The following STAP1 variants were observed in gnomAD, a reference collection of about 807,000 sequenced individuals.
STAP1 encodes signal transducing adaptor family member 1, also known as signal-transducing adaptor protein 1.
In STAP1, 30 loss-of-function variants were observed where a neutral mutation model predicts 37.8. That is an observed-to-expected ratio of 0.79 (90% CI 0.59 to 1.08). STAP1 has a LOEUF of 1.08. Ranked by LOEUF, STAP1 falls within the 50% of genes least tolerant of loss-of-function variation. STAP1 has a pLI of 0.00. For synonymous variants in STAP1, 130 were observed against 116.0 expected (o/e 1.12, Z -0.78); for missense variants, 357 against 349.4 (o/e 1.02, Z -0.17).
Position 67,577,400 on chromosome 4 carries a change from G to A in STAP1, c.363+141G>A, listed in dbSNP as rs141074504. Reference sequence around the variant, plus strand: ...GACCTAAACTCTTGCACTTACTTATGAACATTATATTTTCATCAGGTGGTG... The same window carrying A: ...GACCTAAACTCTTGCACTTACTTATAAACATTATATTTTCATCAGGTGGTG... On this transcript the variant is annotated intron_variant, in intron 4 of 8. Transcript: ENST00000265404. 1,734 of 574,410 alleles carry A rather than the reference G, an allele frequency of 3.0e-3. 6 individuals are homozygous for A. The highest frequency in any genetic ancestry group is 4.2e-3 in the Non-Finnish European group (1,465 of 347,814). The allele number at this position is 574,410 out of a possible 1,614,324, so 35.6% of individuals were successfully genotyped here.
At chr4:67,588,700 C>A (rs1049368278) in intron 6 of STAP1, among the ~76,000 whole-genome samples, 1 of 152,162 alleles carries the variant, frequency 6.6e-6, no homozygotes, top group Admixed American at 6.5e-5. Context: ...TGAACCACTG[C>A]GCCCGGCCAA....
intron 8 of STAP1, among the ~76,000 whole-genome samples, chr4:67,599,538 G>A (rs189008484): frequency 1.2e-3 from 177 of 151,732 alleles, no homozygotes; most frequent in African/African-American, 4.0e-3. Flanking sequence ...TAATTTCTGT[G>A]GTATCAGTTG....
intron 8 of STAP1, among the ~76,000 whole-genome samples, chr4:67,601,423 T>C (rs1728339518): frequency 6.6e-6 from 1 of 152,218 alleles, no homozygotes; most frequent in Non-Finnish European, 1.5e-5. Context: ...ATATTCTGTT[T>C]TGTCTATTAC....
chr4:67,604,493 T>C (rs1408174327), intron 8 of STAP1, among the ~76,000 whole-genome samples: 1 of 152,230 alleles, frequency 6.6e-6, no homozygotes, highest in Non-Finnish European at 1.5e-5. Context: ...ATAGCTTTTC[T>C]TTGTTGAGAA....
At chr4:67,599,631 T>A (rs1179545460) in intron 8 of STAP1, among the ~76,000 whole-genome samples, 1 of 151,686 alleles carries the variant, frequency 6.6e-6, no homozygotes, top group African/African-American at 2.4e-5. Context: ...TTGATTTTCT[T>A]TTTTCTTTTT....
At chr4:67,562,021 G>A (rs144525329) in intron 1 of STAP1, among the ~76,000 whole-genome samples, 7,680 of 133,028 alleles carry the variant, frequency 0.058, 389 homozygotes, top group Admixed American at 0.21. Context: ...GCAGTGATCC[G>A]AGATCGCGCC....
chr4:67,592,468 T>C (rs1728139743), intron 7 of STAP1, among the ~76,000 whole-genome samples: 1 of 152,188 alleles, frequency 6.6e-6, no homozygotes, highest in Non-Finnish European at 1.5e-5. Context: ...GTTATTTGCT[T>C]TAAAGCATAA....
intron 2 of STAP1, among the ~76,000 whole-genome samples, chr4:67,572,082 C>T (rs1159474449): frequency 2.6e-5 from 4 of 152,132 alleles, no homozygotes; most frequent in East Asian, 1.9e-4. Flanking sequence ...GCTTAATAAT[C>T]GAGAGCCTGG....
intron 8 of STAP1, among the ~76,000 whole-genome samples, chr4:67,595,846 T>A (rs1728213562): frequency 6.6e-6 from 1 of 152,220 alleles, no homozygotes; most frequent in Admixed American, 6.5e-5. Context: ...TCGAATCTGT[T>A]GATTAGTTCA....
intron 8 of STAP1, among the ~76,000 whole-genome samples, chr4:67,601,317 T>C (rs115065162): frequency 1.3e-5 from 2 of 152,210 alleles, no homozygotes; most frequent in East Asian, 1.9e-4. Flanking sequence ...ATACTGTCTA[T>C]GTCTTGAAAA....
chr4:67,592,750 T>C (rs1046368055), intron 7 of STAP1, among the ~76,000 whole-genome samples: 1 of 152,148 alleles, frequency 6.6e-6, no homozygotes, highest in Non-Finnish European at 1.5e-5. Context: ...AGTGGCACTA[T>C]CACAACTCAT....
intron 6 of STAP1, among the ~76,000 whole-genome samples, chr4:67,586,810 C>T (rs1727995357): frequency 6.6e-6 from 1 of 152,128 alleles, no homozygotes; most frequent in East Asian, 1.9e-4. Context: ...GTCATCAAAA[C>T]TTACAACATT....
At chr4:67,602,097 C>T (rs1224128967) in intron 8 of STAP1, among the ~76,000 whole-genome samples, 1 of 151,628 alleles carries the variant, frequency 6.6e-6, no homozygotes, top group Non-Finnish European at 1.5e-5. Flanking sequence ...GCTCACTAAT[C>T]CTTTCTTCTG....
chr4:67,606,437 C>A lies in STAP1; in HGVS notation c.*80C>A. 1 of 1,176,150 alleles carries A rather than the reference C, an allele frequency of 8.5e-7. No homozygotes were observed. The highest frequency in any genetic ancestry group is 1.2e-6 in the Non-Finnish European group (1 of 827,528). 72.9% of individuals were successfully genotyped at this position (1,176,150 alleles called of 1,614,324 possible). ...AGTTCTTACTTTTAAAGAGAATTAC[C>A]TATATTCTCCTGATACTGATTACCA... On this transcript the variant is annotated 3_prime_UTR_variant, in exon 9 of 9. Transcript: ENST00000265404.
intron 7 of STAP1, 110 bp downstream of exon 7, chr4:67,591,063 CA>C: frequency 1.7e-6 from 1 of 588,702 alleles, no homozygotes; most frequent in Non-Finnish European, 2.8e-6. Context: ...GGCAGATATA[CA>C]AGGTGAAAAG....
At chr4:67,601,146 AT>A (rs1728333787) in intron 8 of STAP1, among the ~76,000 whole-genome samples, 1 of 152,016 alleles carries the variant, frequency 6.6e-6, no homozygotes, top group South Asian at 2.1e-4. Flanking sequence ...GGTTTTTTAA[AT>A]TTGAAATACC....
At chr4:67,590,991 C>T in intron 7 of STAP1, 38 bp downstream of exon 7, 1 of 1,541,452 alleles carries the variant, frequency 6.5e-7, no homozygotes, top group Non-Finnish European at 8.9e-7. Context: ...TGAACTTCCT[C>T]CCGATTCCTT....
intron 6 of STAP1, among the ~76,000 whole-genome samples, chr4:67,588,039 TAA>T (rs3032636): frequency 0.11 from 9,143 of 85,502 alleles, 633 homozygotes; most frequent in Admixed American, 0.17. Context: ...CACATTTTCT[TAA>T]AAAAAAAAAA....
chr4:67,606,469 T>G lies in STAP1; in HGVS notation c.*112T>G. 8.5e-6 allele frequency: 7 copies of G among 826,678 alleles called. No individual in the cohort carries two copies. In the East Asian group the frequency reaches 1.7e-4, roughly 20 times the overall value. 51.2% of individuals were successfully genotyped at this position (826,678 alleles called of 1,614,324 possible). A position where few individuals can be genotyped will look rare whatever the true frequency, so the allele number is the denominator to read the frequency against. On this transcript the variant is annotated 3_prime_UTR_variant, in exon 9 of 9. Coordinates refer to ENST00000265404, the MANE Select transcript of STAP1 (RefSeq NM_012108.4). ...CTCCTGATACTGATTACCAAGTCATTCACCTGAACACCAGAATTAGAATTA... is the reference window on the plus strand; with the variant it reads ...CTCCTGATACTGATTACCAAGTCATGCACCTGAACACCAGAATTAGAATTA...
Sources: gnomAD v4.1 joint callset for allele counts (sites outside exome capture counted in the v4.1 genomes callset) on GRCh38, gnomAD v4.1.1 for gene constraint, MANE v1.5 for transcripts, NCBI Gene and HGNC (gene_info 2026-07-23, HGNC 2026-07-21) for gene names.